The following ZNF667 variants were observed in gnomAD, a reference collection of about 807,000 sequenced individuals.
ZNF667 encodes zinc finger protein 667.
Under a neutral mutation model 31.8 loss-of-function variants are expected in ZNF667, and 13 were observed. That is an observed-to-expected ratio of 0.41 (90% CI 0.27 to 0.65). The LOEUF (loss-of-function observed/expected upper bound fraction) is 0.65. Among genes scored for constraint, ZNF667 ranks in the 30% least tolerant of loss-of-function variants. ZNF667 has a pLI of 0.32. For missense variants in ZNF667, 642 were observed against 725.6 expected, an observed-to-expected ratio of 0.88 and a Z score of 1.32; for synonymous variants, 228 against 247.1, an observed-to-expected ratio of 0.92 and a Z score of 0.73.
chr19:56,440,566 A>T lies in ZNF667; in HGVS notation c.*596T>A. ...AATCAGGCTCAGAGCCCTATAATGG[A>T]CTTCACAATTCTATTTTGTTGTATG... On this transcript the variant is annotated 3_prime_UTR_variant, in exon 7 of 7. Transcript: ENST00000504904. The T allele has an allele frequency of 1.0e-6, 1 of 974,898 alleles. No individual in the cohort carries two copies. Among genetic ancestry groups the T allele is most frequent in the Non-Finnish European group, 1.2e-6 (1 of 820,314 alleles). The allele number at this position is 974,898 out of a possible 1,614,324, so 60.4% of individuals were successfully genotyped here.
chr19:56,448,971 G>T (rs372813941), intron 6 of ZNF667, among the ~76,000 whole-genome samples: 2 of 152,164 alleles, frequency 1.3e-5, no homozygotes, highest in East Asian at 3.9e-4. Context: ...GAGACAGAGA[G>T]ACTCCATTCA....
chr19:56,473,298 G>C (rs1458118246), intron 2 of ZNF667, among the ~76,000 whole-genome samples: 1 of 152,182 alleles, frequency 6.6e-6, no homozygotes, highest in African/African-American at 2.4e-5. Flanking sequence ...TGTAAGATGA[G>C]ACAAAACACA....
At chr19:56,444,244 T>C (rs1027823453) in intron 6 of ZNF667, 9 of 398,454 alleles carry the variant, frequency 2.3e-5, no homozygotes, top group Middle Eastern at 6.2e-4. Flanking sequence ...AGCATGGTGC[T>C]GGCACCTCCT....
At chr19:56,465,258 A>G (rs2043133787) in intron 3 of ZNF667, among the ~76,000 whole-genome samples, 1 of 152,210 alleles carries the variant, frequency 6.6e-6, no homozygotes. Context: ...TGTTCCCTCT[A>G]CAGATGTTTG....
At chr19:56,471,526 A>G (rs1028099463) in intron 3 of ZNF667, among the ~76,000 whole-genome samples, 173 bp downstream of exon 3, 2 of 152,194 alleles carry the variant, frequency 1.3e-5, no homozygotes, top group Non-Finnish European at 2.9e-5. Flanking sequence ...ATATCCCTGA[A>G]GAGTACAGGA....
At position 56,442,743 on chromosome 19, in the gene ZNF667, T is replaced by C; in HGVS notation, c.254-2A>G. The C allele has an allele frequency of 1.3e-6, 2 of 1,551,812 alleles. No homozygotes were observed. Among genetic ancestry groups the C allele is most frequent in the South Asian group, 1.2e-5 (1 of 81,512 alleles). ...TGGTCTCACATTTAGACCCCGAGTC[T>C]GAAAGACATAAAGGAATTAAATGTT... On this transcript the variant is annotated splice_acceptor_variant, in intron 6 of 6. Transcript: ENST00000504904. LOFTEE classifies it high-confidence loss of function.
In ZNF667 at chr19:56,462,452, G is replaced by A. The variant is rs760706274; in HGVS notation, c.-59-23C>T. 5 of 1,553,252 alleles carry A rather than the reference G, an allele frequency of 3.2e-6. No homozygotes were observed. In the South Asian group the frequency reaches 5.6e-5, roughly 17 times the overall value. The stretch of plus-strand genomic sequence containing the variant: ...GGGCTGTGGGGAGAAGACAGGTCAT[G>A]AGGCAGTGCCAGAGTCCACAGGCCC... On this transcript the variant is annotated intron_variant, in intron 3 of 6. Coordinates refer to ENST00000504904, the MANE Select transcript of ZNF667 (RefSeq NM_001321356.2).
At chr19:56,456,522 T>A (rs2042934574) in intron 6 of ZNF667, among the ~76,000 whole-genome samples, 1 of 152,122 alleles carries the variant, frequency 6.6e-6, no homozygotes, top group South Asian at 2.1e-4. Flanking sequence ...TGCCTAGGGT[T>A]TTTTACTGGG....
chr19:56,442,876 ATTGTGGTTTT>A (rs2042645549), intron 6 of ZNF667, 135 bp from the exon 7 acceptor site: 2 of 1,252,254 alleles, frequency 1.6e-6, no homozygotes, highest in Non-Finnish European at 2.1e-6. Flanking sequence ...TTAGTGTTTT[ATTGTGGTTTT>A]GATGACTATA....
chr19:56,460,038 G>T (rs556525631), intron 5 of ZNF667, among the ~76,000 whole-genome samples: 1 of 152,052 alleles, frequency 6.6e-6, no homozygotes, highest in East Asian at 1.9e-4. Flanking sequence ...TACCTACAGA[G>T]TTTCCATAAG....
At position 56,460,796 on chromosome 19, in the gene ZNF667, T is replaced by C; in HGVS notation, c.53A>G (p.Asp18Gly). 1 of 1,605,568 alleles carries C rather than the reference T, an allele frequency of 6.2e-7. No homozygotes were observed. The highest frequency in any genetic ancestry group is 8.5e-7 in the Non-Finnish European group (1 of 1,176,950). Reference protein sequence around the residue: ...SKSKAPITFGDLAIYFSQEEW... With the variant: ...SKSKAPITFGGLAIYFSQEEW... ...CTCCTGGGAGAAGTAGATGGCTAAG[T>C]CCCCAAATGTTATAGGTGCCTGAAA... The change falls in exon 5 of 7, where the codon GAC becomes GGC. Residue 18 changes from aspartate to glycine, a missense_variant. Asp to Gly is a moderately conservative substitution (Grantham distance 94). Coordinates refer to ENST00000504904, the MANE Select transcript of ZNF667 (RefSeq NM_001321356.2).
At position 56,441,357 on chromosome 19, in the gene ZNF667, T is replaced by G; in HGVS notation, c.1638A>C (p.Glu546Asp). Residue 546 changes from glutamate to aspartate, a missense_variant, in exon 7 of 7, where the codon GAA becomes GAC. Glu to Asp is a conservative substitution (Grantham distance 45). Transcript: ENST00000504904. This position sits in a 1 kb window ranked among gnomAD's most constrained non-coding sequence, Gnocchi z 4.2. ...AGGGTTTCTCTCCAGTATGACTTCT[T>G]TCATGTAGAATAAGAGATGTGCGCT... Reference protein sequence around the residue: ...FSQRTSLILHERSHTGEKPYE... With the variant: ...FSQRTSLILHDRSHTGEKPYE... 2 of 1,614,194 alleles carry G rather than the reference T, an allele frequency of 1.2e-6. No homozygotes were observed. The highest frequency in any genetic ancestry group is 1.7e-6 in the Non-Finnish European group (2 of 1,180,048).
chr19:56,450,907 A>G (rs2042808566), intron 6 of ZNF667, among the ~76,000 whole-genome samples: 1 of 152,184 alleles, frequency 6.6e-6, no homozygotes, highest in South Asian at 2.1e-4. Context: ...AATCACTTTC[A>G]CAAGGAAGAC....
At chr19:56,452,174 G>A (rs571152460) in intron 6 of ZNF667, among the ~76,000 whole-genome samples, 3 of 151,210 alleles carry the variant, frequency 2.0e-5, no homozygotes, top group South Asian at 2.1e-4. Context: ...TCAGCCTCCC[G>A]AGTAGCTGGG....
At chr19:56,465,209 A>G (rs10421407) in intron 3 of ZNF667, among the ~76,000 whole-genome samples, 55,440 of 152,166 alleles carry the variant, frequency 0.36, 10,598 homozygotes, top group Middle Eastern at 0.52. Context: ...TAATGAAAAA[A>G]GTACAGCAGG....
intron 6 of ZNF667, among the ~76,000 whole-genome samples, chr19:56,444,579 G>A (rs1220069060): frequency 7.7e-6 from 1 of 130,686 alleles, no homozygotes; most frequent in Middle Eastern, 4.3e-3. Flanking sequence ...CTCCAACACT[G>A]AGGATTAATT....
At chr19:56,464,286 G>A (rs1288183442) in intron 3 of ZNF667, among the ~76,000 whole-genome samples, 1 of 152,238 alleles carries the variant, frequency 6.6e-6, no homozygotes, top group Non-Finnish European at 1.5e-5. Flanking sequence ...CTGAGCCTAA[G>A]AGTTTGAGAG....
intron 6 of ZNF667, among the ~76,000 whole-genome samples, chr19:56,456,639 C>T (rs77006544): frequency 3.3e-5 from 5 of 152,106 alleles, no homozygotes; most frequent in Admixed American, 6.5e-5. Context: ...AATGCAGATA[C>T]GCTGATGTTA....
intron 6 of ZNF667, chr19:56,444,136 T>TG (rs1568836230): frequency 2.5e-6 from 1 of 398,274 alleles, no homozygotes; most frequent in Non-Finnish European, 4.4e-6. Flanking sequence ...TTTACCTGTT[T>TG]GTATTAGGAA....
Sources: allele counts gnomAD v4.1 joint callset (sites outside exome capture counted in the v4.1 genomes callset), GRCh38; gene constraint gnomAD v4.1.1; non-coding constraint Gnocchi (gnomAD v3.1); transcripts MANE v1.5; gene names NCBI Gene and HGNC (gene_info 2026-07-23, HGNC 2026-07-21).